The following RFX8 variants were observed in gnomAD, a reference collection of about 807,000 sequenced individuals.
RFX8 encodes the protein regulatory factor X8, also known as DNA-binding protein RFX8.
A neutral mutation model predicts 54.6 loss-of-function variants in RFX8; 46 were observed. The observed-to-expected ratio is 0.84, with a 90% CI of 0.67 to 1.08. The LOEUF is 1.08. Ranked by LOEUF, RFX8 falls within the 50% of genes least tolerant of loss-of-function variation. The pLI, the probability that RFX8 is intolerant of heterozygous loss-of-function variation, is 0.00. For synonymous variants in RFX8, 192 were observed against 209.5 expected, an observed-to-expected ratio of 0.92 and a Z score of 0.72; for missense variants, 536 against 562.3, an observed-to-expected ratio of 0.95 and a Z score of 0.47.
chr2:101,474,321 G>A, intron 1 of RFX8: 2 of 463,374 alleles, frequency 4.3e-6, no homozygotes, highest in Middle Eastern at 5.6e-4. Flanking sequence ...GCGAGCGGCG[G>A]CCGTGGGCGG....
intron 2 of RFX8, among the ~76,000 whole-genome samples, chr2:101,451,409 T>G (rs886714959): frequency 6.6e-6 from 1 of 152,126 alleles, no homozygotes; most frequent in Non-Finnish European, 1.5e-5. Flanking sequence ...ACCTTGGGGC[T>G]GGGCGCGGTG....
Position 101,468,462 on chromosome 2 carries a change from A to AT in RFX8, c.-52-1563dup, listed in dbSNP as rs375456202. The stretch of plus-strand genomic sequence containing the variant: ...GAATTTTATTGTTTTTCTTTTTTGC[A>AT]TTTTTTTAGTAGAGACGGGGTTTTG... On this transcript the variant is annotated intron_variant, in intron 1 of 11. Transcript: ENST00000428343. Among the ~76,000 whole-genome samples, 275 of 151,498 alleles carry AT rather than the reference A, an allele frequency of 1.8e-3. 1 individual carries two copies. The highest frequency in any genetic ancestry group is 6.2e-3 in the African/African-American group (256 of 41,262).
intron 2 of RFX8, among the ~76,000 whole-genome samples, chr2:101,438,513 G>A (rs960748857): frequency 6.6e-6 from 1 of 152,108 alleles, no homozygotes; most frequent in Admixed American, 6.5e-5. Flanking sequence ...TCCAGTTTTG[G>A]GCTATTACAC....
intron 2 of RFX8, among the ~76,000 whole-genome samples, chr2:101,443,630 C>T (rs947628249): frequency 3.3e-5 from 5 of 152,192 alleles, no homozygotes; most frequent in Middle Eastern, 3.4e-3. Flanking sequence ...TGGGTAGAGA[C>T]GACAGGAGTA....
chr2:101,424,100 T>A (rs1687029123), intron 2 of RFX8, among the ~76,000 whole-genome samples: 1 of 152,194 alleles, frequency 6.6e-6, no homozygotes, highest in South Asian at 2.1e-4. Context: ...TATAGATGTC[T>A]AAATAAATAC....
chr2:101,399,639 T>C (rs1010988367), intron 11 of RFX8, among the ~76,000 whole-genome samples: 1 of 152,198 alleles, frequency 6.6e-6, no homozygotes, highest in Admixed American at 6.5e-5. Flanking sequence ...GACCAGTGGT[T>C]ATTGGGTACT....
intron 2 of RFX8, among the ~76,000 whole-genome samples, chr2:101,463,728 A>C (rs1689415397): frequency 6.6e-6 from 1 of 152,068 alleles, no homozygotes; most frequent in Non-Finnish European, 1.5e-5. Context: ...GCAGCCATGA[A>C]ATAAGAACTA....
rs867306915 is a variant in RFX8 at position 101,418,938 on chromosome 2, C to T, written c.264G>A (p.Trp88Ter). 3.9e-6 allele frequency: 6 copies of T among 1,550,654 alleles called. No homozygotes were observed. Among genetic ancestry groups the T allele is most frequent in the Admixed American group, 3.9e-5 (2 of 50,976 alleles). Reference sequence around the variant, plus strand: ...TGACTGTGTCTTGCTGCAGAGACTTCCAGAAGGAAGTAAGCAAGTCCTCCA... The same window carrying T: ...TGACTGTGTCTTGCTGCAGAGACTTTCAGAAGGAAGTAAGCAAGTCCTCCA... ...RNVEDLLTSF[W>*]KSLQQDTVML... is the part of the protein sequence containing the mutation. Residue 88 changes from tryptophan to a stop codon, truncating the protein, a stop_gained, in exon 5 of 12, where the codon TGG becomes TGA. Transcript: ENST00000428343. LOFTEE classifies it high-confidence loss of function.
chr2:101,410,670 G>T lies in RFX8; in HGVS notation c.762C>A (p.Leu254=), dbSNP rs58967721. The change falls in exon 9 of 12, where the codon CTC becomes CTA. Residue 254 remains leucine, a synonymous_variant. Coordinates refer to ENST00000428343, the MANE Select transcript of RFX8 (RefSeq NM_001145664.2). ...AAGACAGACAGCTGAGGAATACCCT[G>T]AGATCTGTTGATGTTCCCAGCAAAG... ...LISLLGTSTD[L]RVFLSCLSSH... The T allele has an allele frequency of 1.2e-3, 1,857 of 1,546,808 alleles. 9 individuals are homozygous for T. In the African/African-American group the frequency reaches 0.02, roughly 16 times the overall value.
intron 2 of RFX8, among the ~76,000 whole-genome samples, chr2:101,427,995 G>T (rs1361427461): frequency 6.6e-6 from 1 of 152,088 alleles, no homozygotes; most frequent in African/African-American, 2.4e-5. Context: ...AGGGTCATGT[G>T]TTAAAACCCT....
At chr2:101,415,873 G>A (rs192495243) in intron 6 of RFX8, among the ~76,000 whole-genome samples, 3 of 152,372 alleles carry the variant, frequency 2.0e-5, no homozygotes, top group East Asian at 1.9e-4. Context: ...GCTTCACTGC[G>A]AAGGTGACAT....
intron 9 of RFX8, among the ~76,000 whole-genome samples, chr2:101,408,983 G>A (rs368386501): frequency 2.5e-4 from 38 of 152,164 alleles, no homozygotes; most frequent in African/African-American, 9.2e-4. Flanking sequence ...CCAGGCCCTC[G>A]GAGTCTTTGC....
chr2:101,424,506 C>T (rs925064186), intron 2 of RFX8, among the ~76,000 whole-genome samples: 72 of 152,160 alleles, frequency 4.7e-4, no homozygotes, highest in Non-Finnish European at 9.6e-4. Flanking sequence ...ACCCAGTGAT[C>T]CCATTACTGG....
chr2:101,418,426 T>C (rs1039645216), intron 5 of RFX8, among the ~76,000 whole-genome samples: 5 of 152,134 alleles, frequency 3.3e-5, no homozygotes, highest in Non-Finnish European at 7.4e-5. Context: ...AGAGAAGATA[T>C]AAACCTGACC....
At chr2:101,459,901 C>G (rs936829236) in intron 2 of RFX8, among the ~76,000 whole-genome samples, 2 of 152,138 alleles carry the variant, frequency 1.3e-5, no homozygotes, top group African/African-American at 4.8e-5. Flanking sequence ...CCAGTTCGAG[C>G]TTCCCAGCTA....
chr2:101,467,590 T>A (rs1319187763), intron 1 of RFX8, among the ~76,000 whole-genome samples: 1 of 152,202 alleles, frequency 6.6e-6, no homozygotes, highest in Non-Finnish European at 1.5e-5. Context: ...AATGCAGCAG[T>A]GCCTGTGAAC....
At chr2:101,437,911 C>T (rs1265984760) in intron 2 of RFX8, among the ~76,000 whole-genome samples, 3 of 152,092 alleles carry the variant, frequency 2.0e-5, no homozygotes, top group East Asian at 1.9e-4. Flanking sequence ...CTTCCCCCAT[C>T]CCTACGTCAT....
chr2:101,413,365 G>A (rs1292526308), intron 7 of RFX8, among the ~76,000 whole-genome samples: 1 of 152,186 alleles, frequency 6.6e-6, no homozygotes, highest in Non-Finnish European at 1.5e-5. Context: ...AATGACTCTA[G>A]CGAGGGATCC....
At chr2:101,428,902 C>T (rs1404608085) in intron 2 of RFX8, 4 of 1,062,998 alleles carry the variant, frequency 3.8e-6, no homozygotes, top group Admixed American at 4.0e-5. Context: ...TAAGCAATCA[C>T]TGGTATTGCT....
Sources: gnomAD v4.1 joint callset for allele counts (sites outside exome capture counted in the v4.1 genomes callset) on GRCh38, gnomAD v4.1.1 for gene constraint, MANE v1.5 for transcripts, NCBI Gene and HGNC (gene_info 2026-07-23, HGNC 2026-07-21) for gene names.